CTNNA2: variants seen among roughly 807,000 people sequenced by gnomAD.
CTNNA2 encodes catenin alpha-2.
CTNNA2 carries 42 observed loss-of-function variants against 101.0 expected under a neutral mutation model. The observed-to-expected ratio is 0.42, with a 90% CI of 0.32 to 0.54. The LOEUF is 0.54. Ranked by LOEUF, CTNNA2 falls within the 20% of genes least tolerant of loss-of-function variation. The pLI, the probability that CTNNA2 is intolerant of heterozygous loss-of-function variation, is 0.14. For synonymous variants in CTNNA2, 450 were observed against 456.4 expected (o/e 0.99, Z 0.18); for missense variants, 871 against 1,223.1 (o/e 0.71, Z 4.29).
intron 18 of CTNNA2, among the ~76,000 whole-genome samples, chr2:80,628,570 A>C (rs1358533342): frequency 6.6e-6 from 1 of 150,622 alleles, no homozygotes; most frequent in Admixed American, 6.6e-5. Flanking sequence ...ACCTTACACA[A>C]AACCTATTCT....
intron 1 of CTNNA2, among the ~76,000 whole-genome samples, chr2:79,528,259 G>T (rs1003293048): frequency 1.3e-5 from 2 of 151,868 alleles, no homozygotes; most frequent in Non-Finnish European, 2.9e-5. Context: ...TGTTGCCCAG[G>T]TTAAGTGCAG....
At position 79,634,330 on chromosome 2, in the gene CTNNA2, G is replaced by A. The variant is rs117903126; in HGVS notation, c.-5-17222G>A. On this transcript the variant is annotated intron_variant, in intron 1 of 18. Coordinates refer to ENST00000402739, the MANE Select transcript of CTNNA2 (RefSeq NM_001282597.3). Reference sequence around the variant, plus strand: ...AGCTCTTTAAGCTGTCAGTACTGGGGTTGAACAAATACCTTTAGATGCAAC... The same window carrying A: ...AGCTCTTTAAGCTGTCAGTACTGGGATTGAACAAATACCTTTAGATGCAAC... 9.9e-5 allele frequency among the ~76,000 whole-genome samples: 15 copies of A among 152,252 alleles called. No individual in the cohort carries two copies. The East Asian group carries it at 2.9e-3, about 29-fold the overall frequency.
chr2:80,458,725 C>A (rs1049848485), intron 9 of CTNNA2, among the ~76,000 whole-genome samples: 20 of 152,126 alleles, frequency 1.3e-4, no homozygotes, highest in African/African-American at 4.8e-4. Context: ...AAGCTCTAAT[C>A]TTCCCTCTAG....
At chr2:79,236,005 C>G (rs1674552872) in intron 2 of CTNNA2, among the ~76,000 whole-genome samples, 1 of 151,986 alleles carries the variant, frequency 6.6e-6, no homozygotes, top group Non-Finnish European at 1.5e-5. Context: ...CTGCCTGGCT[C>G]TGAGGAGCAG....
chr2:80,117,169 A>G (rs1048070632), intron 7 of CTNNA2, among the ~76,000 whole-genome samples: 5 of 152,146 alleles, frequency 3.3e-5, no homozygotes, highest in Non-Finnish European at 5.9e-5. Flanking sequence ...AAATATCTTT[A>G]TGTTGGACCT....
At chr2:79,284,443 T>A (rs1675496660) in intron 2 of CTNNA2, among the ~76,000 whole-genome samples, 1 of 150,910 alleles carries the variant, frequency 6.6e-6, no homozygotes, top group African/African-American at 2.4e-5. Context: ...CATCAATACC[T>A]ACTTTATTGA....
At chr2:79,850,681 C>T (rs560472527) in intron 3 of CTNNA2, among the ~76,000 whole-genome samples, 1 of 152,272 alleles carries the variant, frequency 6.6e-6, no homozygotes, top group South Asian at 2.1e-4. Context: ...ATCTGTTTGA[C>T]CTTGGGCAAA....
chr2:79,453,025 A>G (rs1670775047), intron 4 of CTNNA2, among the ~76,000 whole-genome samples: 1 of 152,124 alleles, frequency 6.6e-6, no homozygotes, highest in Non-Finnish European at 1.5e-5. Context: ...GAAACATTAA[A>G]ATTTGGAAAA....
chr2:79,427,632 AT>A (rs67322076), intron 4 of CTNNA2, among the ~76,000 whole-genome samples: 44,728 of 150,092 alleles, frequency 0.3, 6,800 homozygotes, highest in South Asian at 0.44. Context: ...TAAAAAAAAA[AT>A]AATAACTGTA....
At chr2:80,197,047 C>T (rs773712581) in intron 7 of CTNNA2, among the ~76,000 whole-genome samples, 4 of 152,160 alleles carry the variant, frequency 2.6e-5, no homozygotes, top group Non-Finnish European at 4.4e-5. Flanking sequence ...CCCCTCTAAG[C>T]TCTTAAAGGT....
chr2:80,166,139 T>C (rs1304516654), intron 7 of CTNNA2, among the ~76,000 whole-genome samples: 1 of 152,180 alleles, frequency 6.6e-6, no homozygotes, highest in Non-Finnish European at 1.5e-5. Context: ...ACCTTTGAAA[T>C]TTTCTGAGTG....
intron 9 of CTNNA2, among the ~76,000 whole-genome samples, chr2:80,539,371 T>C (rs1691339191): frequency 6.7e-6 from 1 of 148,710 alleles, no homozygotes; most frequent in Admixed American, 6.7e-5. Flanking sequence ...ATATTGTTAA[T>C]GTTAAGTATT....
intron 3 of CTNNA2, among the ~76,000 whole-genome samples, chr2:79,811,214 G>T (rs377350765): frequency 6.6e-6 from 1 of 151,916 alleles, no homozygotes; most frequent in African/African-American, 2.4e-5. Flanking sequence ...TTTAATGATC[G>T]CCATTCTAAC....
In CTNNA2 at chr2:79,188,821, A is replaced by G. The variant is rs1375434579; in HGVS notation, c.-524+3390A>G. Among the ~76,000 whole-genome samples the G allele has an allele frequency of 6.6e-5, 10 of 152,314 alleles. No individual in the cohort carries two copies. The South Asian group carries it at 1.4e-3, about 22-fold the overall frequency. ...TGTGAAAGACGTTTATGCTTGCTCA[A>G]AGAGAGAACTTTATTAATTTAAGCT... is the stretch of plus-strand genomic sequence containing the variant. On this transcript the variant is annotated intron_variant, in intron 1 of 21. Coordinates refer to the CTNNA2 transcript ENST00000466387.
At chr2:79,687,567 AT>A (rs770749759) in intron 2 of CTNNA2, 91 of 692,524 alleles carry the variant, frequency 1.3e-4, no homozygotes, top group Admixed American at 3.8e-4. Context: ...CTTGCAGTGC[AT>A]TTTTTTTTCC....
At chr2:79,583,587 T>C (rs1463769098) in intron 1 of CTNNA2, among the ~76,000 whole-genome samples, 1 of 152,138 alleles carries the variant, frequency 6.6e-6, no homozygotes, top group Non-Finnish European at 1.5e-5. Flanking sequence ...TGTTTAGCCT[T>C]ATGCAAAACC....
chr2:79,961,808 C>T (rs557923740), intron 7 of CTNNA2, among the ~76,000 whole-genome samples: 100 of 120,046 alleles, frequency 8.3e-4, no homozygotes, highest in Admixed American at 8.1e-3. Flanking sequence ...GGTGACAGAG[C>T]GAGACTCCGT....
chr2:80,480,382 AT>A (rs1249002061), intron 9 of CTNNA2, among the ~76,000 whole-genome samples: 1 of 152,108 alleles, frequency 6.6e-6, no homozygotes, highest in Non-Finnish European at 1.5e-5. Context: ...AAAAGCCCCA[AT>A]TTTAAAAATT....
rs1350290869 is a variant in CTNNA2 at position 80,306,405 on chromosome 2, TTTCTTTC to T, written c.1057-86803_1057-86797del. On this transcript the variant is annotated intron_variant, in intron 7 of 18. Coordinates refer to ENST00000402739, the MANE Select transcript of CTNNA2 (RefSeq NM_001282597.3). Reference sequence around the variant, plus strand: ...TTTTCTTTTCTTTTCTTTTCTTTTCTTTCTTTCTTTCTTTCTTTCTTTCTTTCTTTCT... The same window carrying T: ...TTTTCTTTTCTTTTCTTTTCTTTTCTTTTCTTTCTTTCTTTCTTTCTTTCT... Among the ~76,000 whole-genome samples the T allele has an allele frequency of 9.0e-3, 476 of 53,152 alleles. 2 individuals are homozygous for T. Among genetic ancestry groups the T allele is most frequent in the Middle Eastern group, 0.02 (2 of 102 alleles). The allele number at this position is 53,152 out of a possible 152,430, so 34.9% of individuals were successfully genotyped here. A position where few individuals can be genotyped will look rare whatever the true frequency, so the allele number is the denominator to read the frequency against.
Sources: gnomAD v4.1 joint callset for allele counts (sites outside exome capture counted in the v4.1 genomes callset) on GRCh38, gnomAD v4.1.1 for gene constraint, MANE v1.5 for transcripts, NCBI Gene and HGNC (gene_info 2026-07-23, HGNC 2026-07-21) for gene names.